SMYD3: variants seen among roughly 807,000 people sequenced by gnomAD.
SMYD3 encodes the protein histone-lysine N-methyltransferase SMYD3.
In SMYD3, 36 loss-of-function variants were observed where a neutral mutation model predicts 57.7. That is an observed-to-expected ratio of 0.62 (90% CI 0.48 to 0.82). The LOEUF is 0.82. SMYD3 is among the 40% of genes least tolerant of loss of function. SMYD3 has a pLI of 0.00. For synonymous variants in SMYD3, 211 were observed against 195.0 expected, an observed-to-expected ratio of 1.08 and a Z score of -0.68; for missense variants, 515 against 538.8, an observed-to-expected ratio of 0.96 and a Z score of 0.44.
chr1:246,080,348 G>GGCGGGTGAGCAGGCATGACCACC (rs1245809600), intron 5 of SMYD3, among the ~76,000 whole-genome samples: 2 of 151,926 alleles, frequency 1.3e-5, no homozygotes, highest in African/African-American at 2.4e-5. Flanking sequence ...CGATTCTCAT[G>GGCGGGTGAGCAGGCATGACCACC]AGGGCGTGAA....
intron 5 of SMYD3, among the ~76,000 whole-genome samples, chr1:246,001,929 C>T (rs1380118230): frequency 6.6e-6 from 1 of 152,132 alleles, no homozygotes; most frequent in Non-Finnish European, 1.5e-5. Flanking sequence ...ATTCTCCGGC[C>T]GCCAGTCTTC....
At chr1:245,925,355 T>C (rs1268179165) in intron 7 of SMYD3, among the ~76,000 whole-genome samples, 1 of 152,170 alleles carries the variant, frequency 6.6e-6, no homozygotes, top group Admixed American at 6.5e-5. Context: ...GAACACAAAA[T>C]GTCTAGATTT....
chr1:245,965,438 A>G (rs148851936), intron 5 of SMYD3, among the ~76,000 whole-genome samples: 48 of 152,364 alleles, frequency 3.2e-4, no homozygotes, highest in Non-Finnish European at 5.1e-4. Flanking sequence ...AGAAAACAGT[A>G]TCATATAAAA....
chr1:246,285,219 G>T lies in SMYD3; in HGVS notation c.531+41982C>A, dbSNP rs1257628068. On this transcript the variant is annotated intron_variant, in intron 5 of 11. Coordinates refer to ENST00000490107, the MANE Select transcript of SMYD3 (RefSeq NM_001167740.2). ...TATGAGTGAGAACACACAATGTTTG[G>T]TTTTCCATTCCTCAGTTACTTCACT... is the stretch of plus-strand genomic sequence containing the variant. 2.0e-5 allele frequency among the ~76,000 whole-genome samples: 3 copies of T among 152,086 alleles called. No individual in the cohort carries two copies. The East Asian group carries it at 5.8e-4, about 29-fold the overall frequency.
intron 5 of SMYD3, among the ~76,000 whole-genome samples, chr1:246,169,555 A>T (rs182577683): frequency 6.6e-6 from 1 of 152,064 alleles, no homozygotes; most frequent in Non-Finnish European, 1.5e-5. Flanking sequence ...GAAAAAAGAT[A>T]CTTCCAGGCA....
At chr1:246,341,675 C>G (rs981413961) in intron 2 of SMYD3, among the ~76,000 whole-genome samples, 7 of 152,172 alleles carry the variant, frequency 4.6e-5, no homozygotes, top group African/African-American at 7.2e-5. Context: ...TGAGATGTTA[C>G]ACTAATAAGA....
At chr1:246,180,441 T>C (rs2062524406) in intron 5 of SMYD3, among the ~76,000 whole-genome samples, 1 of 149,366 alleles carries the variant, frequency 6.7e-6, no homozygotes, top group South Asian at 2.1e-4. Context: ...CTGATGCAAA[T>C]GTTTGCCACC....
chr1:245,804,402 G>A (rs984524684), intron 10 of SMYD3, among the ~76,000 whole-genome samples: 2 of 152,152 alleles, frequency 1.3e-5, no homozygotes, highest in South Asian at 2.1e-4. Flanking sequence ...CTAATGTGGT[G>A]AAACCCCATC....
At chr1:246,418,780 C>T (rs968369089) in intron 1 of SMYD3, among the ~76,000 whole-genome samples, 4 of 152,260 alleles carry the variant, frequency 2.6e-5, no homozygotes, top group African/African-American at 7.2e-5. Context: ...GGCCTCCCAG[C>T]GTGCTGGCAT....
intron 5 of SMYD3, among the ~76,000 whole-genome samples, chr1:246,324,715 T>C (rs2065310749): frequency 6.6e-6 from 1 of 151,856 alleles, no homozygotes; most frequent in African/African-American, 2.4e-5. Context: ...CTGGCCTCAA[T>C]AAACAAAATC....
chr1:246,273,338 CG>C, intron 5 of SMYD3, among the ~76,000 whole-genome samples: 1 of 151,060 alleles, frequency 6.6e-6, no homozygotes, highest in Admixed American at 6.6e-5. Flanking sequence ...TTGGTAAAGA[CG>C]GGGTTTCACC....
chr1:245,822,333 T>G (rs2049208937), intron 10 of SMYD3, among the ~76,000 whole-genome samples: 1 of 131,510 alleles, frequency 7.6e-6, no homozygotes, highest in African/African-American at 2.9e-5. Flanking sequence ...CACTCATAGG[T>G]GGGAATTGAA....
At chr1:245,857,127 A>T (rs1053232180) in intron 10 of SMYD3, among the ~76,000 whole-genome samples, 4 of 152,142 alleles carry the variant, frequency 2.6e-5, no homozygotes, top group Admixed American at 2.0e-4. Flanking sequence ...ATTAAAGCTG[A>T]CTCACAGTCT....
chr1:246,084,546 A>G (rs1253950462), intron 5 of SMYD3, among the ~76,000 whole-genome samples: 1 of 152,130 alleles, frequency 6.6e-6, no homozygotes, highest in Non-Finnish European at 1.5e-5. Flanking sequence ...CTAGCATTCT[A>G]TCAGTGCCTA....
intron 5 of SMYD3, among the ~76,000 whole-genome samples, chr1:246,235,367 C>T (rs1473942024): frequency 6.6e-6 from 1 of 152,208 alleles, no homozygotes; most frequent in Non-Finnish European, 1.5e-5. Flanking sequence ...TAATTACGTC[C>T]TTCCTGAATA....
chr1:246,173,700 A>G (rs541343113), intron 5 of SMYD3, among the ~76,000 whole-genome samples: 1 of 152,314 alleles, frequency 6.6e-6, no homozygotes, highest in South Asian at 2.1e-4. Flanking sequence ...CTCACTGGAA[A>G]GTATTCAGGG....
At chr1:245,752,829 T>C (rs1572242583) in intron 11 of SMYD3, among the ~76,000 whole-genome samples, 1 of 152,174 alleles carries the variant, frequency 6.6e-6, no homozygotes, top group African/African-American at 2.4e-5. Context: ...TCTAGTCCAA[T>C]ACCCTCATGT....
intron 1 of SMYD3, 65 bp downstream of exon 1, chr1:246,506,989 G>GCCC (rs1182642267): frequency 1.2e-4 from 79 of 650,456 alleles, no homozygotes; most frequent in South Asian, 1.9e-4. Flanking sequence ...GCCGCCCGAC[G>GCCC]CCCCCCCCTC....
chr1:245,823,384 C>T (rs576984838), intron 10 of SMYD3, among the ~76,000 whole-genome samples: 22 of 152,274 alleles, frequency 1.4e-4, no homozygotes, highest in African/African-American at 4.3e-4. Flanking sequence ...TCTAAGGCTC[C>T]AGGCATCCGT....
Sources: allele counts gnomAD v4.1 joint callset (sites outside exome capture counted in the v4.1 genomes callset), GRCh38; gene constraint gnomAD v4.1.1; transcripts MANE v1.5; gene names NCBI Gene and HGNC (gene_info 2026-07-23, HGNC 2026-07-21).